The following EXT2 variants were observed in gnomAD, a reference collection of about 807,000 sequenced individuals.
EXT2 encodes the protein exostosin glycosyltransferase 2.
In EXT2, 53 loss-of-function variants were observed where a neutral mutation model predicts 81.6. The observed-to-expected ratio is 0.65, with a 90% CI of 0.52 to 0.82. The LOEUF is 0.82. EXT2 is among the 40% of genes least tolerant of loss of function. The pLI is 0.00. For synonymous variants in EXT2, 320 were observed against 340.0 expected, an observed-to-expected ratio of 0.94 and a Z score of 0.65; for missense variants, 774 against 910.2, an observed-to-expected ratio of 0.85 and a Z score of 1.93.
intron 4 of EXT2, among the ~76,000 whole-genome samples, chr11:44,119,169 T>TATATATATATACAC (rs1192115471): frequency 5.1e-4 from 32 of 63,120 alleles, no homozygotes; most frequent in South Asian, 1.1e-3. Flanking sequence ...TATATATATA[T>TATATATATATACAC]ACACATACAC....
In EXT2 at chr11:44,245,383, T is replaced by G; in HGVS notation, c.*1096T>G. 4.9e-6 allele frequency: 1 copy of G among 205,124 alleles called. No homozygotes were observed. Among genetic ancestry groups the G allele is most frequent in the South Asian group, 1.9e-4 (1 of 5,264 alleles). 12.7% of individuals were successfully genotyped at this position (205,124 alleles called of 1,614,324 possible). Reference sequence around the variant, plus strand: ...CTGCTATACAACTGCTTTGCAACAGTTGCTGGTATATTTAAATCATTAAAT... The same window carrying G: ...CTGCTATACAACTGCTTTGCAACAGGTGCTGGTATATTTAAATCATTAAAT... On this transcript the variant is annotated 3_prime_UTR_variant, in exon 14 of 14. Coordinates refer to ENST00000533608, the MANE Select transcript of EXT2 (RefSeq NM_207122.2).
In EXT2 at chr11:44,242,764, TTG is replaced by T. The variant is rs1263633289; in HGVS notation, c.2019-1381_2019-1380del. On this transcript the variant is annotated intron_variant, in intron 13 of 13. Coordinates refer to ENST00000533608, the MANE Select transcript of EXT2 (RefSeq NM_207122.2). ...CAGTCCCCTTCATTGGACCCTAGAA[TTG>T]TGTTAATAAGTACATTTGTATCATC... Among the ~76,000 whole-genome samples the T allele has an allele frequency of 1.3e-5, 2 of 152,192 alleles. 1 individual carries two copies. Among genetic ancestry groups the T allele is most frequent in the Non-Finnish European group, 2.9e-5 (2 of 68,026 alleles).
chr11:44,129,063 C>T (rs1471725972), intron 6 of EXT2, among the ~76,000 whole-genome samples: 1 of 152,220 alleles, frequency 6.6e-6, no homozygotes, highest in Non-Finnish European at 1.5e-5. Context: ...TCCTCTCTTT[C>T]TCTTACCCAC....
chr11:44,170,863 C>T (rs1955062950), intron 7 of EXT2, among the ~76,000 whole-genome samples: 1 of 151,390 alleles, frequency 6.6e-6, no homozygotes, highest in South Asian at 2.1e-4. Context: ...CACACCAATC[C>T]ACCCACCCAT....
intron 1 of EXT2, among the ~76,000 whole-genome samples, chr11:44,106,552 G>A (rs1954057616): frequency 6.6e-6 from 1 of 152,126 alleles, no homozygotes; most frequent in Non-Finnish European, 1.5e-5. Flanking sequence ...TTAGAGTAGG[G>A]TCTTTGCTTT....
chr11:44,140,751 T>C (rs10769019), intron 7 of EXT2, among the ~76,000 whole-genome samples: 1 of 152,130 alleles, frequency 6.6e-6, no homozygotes. Flanking sequence ...TAACTAAAGC[T>C]TTTAGGAAGA....
chr11:44,138,293 A>G (rs1392462920), intron 7 of EXT2, among the ~76,000 whole-genome samples: 5 of 152,226 alleles, frequency 3.3e-5, no homozygotes, highest in Non-Finnish European at 7.3e-5. Flanking sequence ...GATTTAGGAA[A>G]GAAATCAAAG....
Position 44,215,583 on chromosome 11 carries a change from T to C in EXT2, c.1662+8624T>C, listed in dbSNP as rs576483575. 3.9e-5 allele frequency among the ~76,000 whole-genome samples: 6 copies of C among 152,336 alleles called. No homozygotes were observed. The South Asian group carries it at 1.0e-3, about 26-fold the overall frequency. ...ATATGCACCTGTGGATTTAATGTTC[T>C]TACTAGGCCAGTTAGGTAAGTCTAG... On this transcript the variant is annotated intron_variant, in intron 10 of 13. Coordinates refer to ENST00000533608, the MANE Select transcript of EXT2 (RefSeq NM_207122.2).
chr11:44,237,027 A>G (rs545509558), intron 13 of EXT2, among the ~76,000 whole-genome samples: 5 of 152,336 alleles, frequency 3.3e-5, no homozygotes, highest in East Asian at 3.9e-4. Flanking sequence ...TTGTGCCCCA[A>G]AAGTCCCCAA....
At chr11:44,212,360 T>C (rs903662568) in intron 10 of EXT2, among the ~76,000 whole-genome samples, 2 of 151,168 alleles carry the variant, frequency 1.3e-5, no homozygotes, top group East Asian at 3.9e-4. Context: ...CAGGATGATA[T>C]AGAGGTACAA....
chr11:44,178,020 C>T (rs994448334), intron 8 of EXT2, among the ~76,000 whole-genome samples: 10 of 152,194 alleles, frequency 6.6e-5, no homozygotes, highest in Non-Finnish European at 1.3e-4. Context: ...TTCCTCTAAG[C>T]CTCAGTCTAG....
chr11:44,153,670 A>G (rs976248474), intron 7 of EXT2, among the ~76,000 whole-genome samples: 1 of 152,128 alleles, frequency 6.6e-6, no homozygotes, highest in African/African-American at 2.4e-5. Context: ...TTCTTTATCA[A>G]CTAGAGGAAA....
intron 3 of EXT2, among the ~76,000 whole-genome samples, chr11:44,112,959 A>C (rs1464011044): frequency 6.6e-6 from 1 of 152,156 alleles, no homozygotes; most frequent in Non-Finnish European, 1.5e-5. Context: ...CACATAGGCC[A>C]TGGGGCCCAT....
In EXT2 at chr11:44,181,100, C is replaced by CA. The variant is rs36013510; in HGVS notation, c.1305+9371dup. 4.1e-4 allele frequency among the ~76,000 whole-genome samples: 57 copies of CA among 138,656 alleles called. 3 individuals carry two copies. Among genetic ancestry groups the CA allele is most frequent in the East Asian group, 8.2e-4 (4 of 4,884 alleles). The allele number at this position is 138,656 out of a possible 152,430, so 91.0% of individuals were successfully genotyped here. ...TGGGCAACAGAGTAAGACTCCGTCT[C>CA]AAAAAAAAAAAAAGTTTTTTATTCT... On this transcript the variant is annotated intron_variant, in intron 8 of 13. Coordinates refer to ENST00000533608, the MANE Select transcript of EXT2 (RefSeq NM_207122.2).
chr11:44,199,882 A>G (rs1955502000), intron 9 of EXT2, among the ~76,000 whole-genome samples: 1 of 152,166 alleles, frequency 6.6e-6, no homozygotes, highest in Admixed American at 6.5e-5. Context: ...GTTTATTTTT[A>G]AAAGATTTTG....
At chr11:44,199,552 C>T (rs544885872) in intron 9 of EXT2, among the ~76,000 whole-genome samples, 1 of 152,374 alleles carries the variant, frequency 6.6e-6, no homozygotes, top group South Asian at 2.1e-4. Flanking sequence ...GACTCTCAGC[C>T]TGCTCCTGCA....
In EXT2 at chr11:44,183,959, T is replaced by G. The variant is rs1270129312; in HGVS notation, c.1305+12217T>G. On this transcript the variant is annotated intron_variant, in intron 8 of 13. Coordinates refer to ENST00000533608, the MANE Select transcript of EXT2 (RefSeq NM_207122.2). Reference sequence around the variant, plus strand: ...CTACTGTCCACTGCTCTTGTTGCATTGTTTCCTTAGATGTTTTATAATTTT... The same window carrying G: ...CTACTGTCCACTGCTCTTGTTGCATGGTTTCCTTAGATGTTTTATAATTTT... Among the ~76,000 whole-genome samples, 4 of 152,250 alleles carry G rather than the reference T, an allele frequency of 2.6e-5. No individual in the cohort carries two copies. In the East Asian group the frequency reaches 7.7e-4, roughly 29 times the overall value.
intron 1 of EXT2, among the ~76,000 whole-genome samples, chr11:44,101,177 G>A (rs1356423717): frequency 6.6e-6 from 1 of 152,174 alleles, no homozygotes; most frequent in African/African-American, 2.4e-5. Context: ...TATAAAGCTG[G>A]AGAGGAGAGA....
chr11:44,227,984 G>A lies in EXT2; in HGVS notation c.1663-4369G>A, dbSNP rs1196536679. On this transcript the variant is annotated intron_variant, in intron 10 of 13. Coordinates refer to ENST00000533608, the MANE Select transcript of EXT2 (RefSeq NM_207122.2). ...ACAATCCTTACAACAGCCCTATGAT[G>A]TAAATATAAAAATTAGAATGGAAAG... is the stretch of plus-strand genomic sequence containing the variant. Among the ~76,000 whole-genome samples, 3 of 152,204 alleles carry A rather than the reference G, an allele frequency of 2.0e-5. No individual in the cohort carries two copies. The East Asian group carries it at 5.8e-4, about 29-fold the overall frequency.
Sources: gnomAD v4.1 joint callset for allele counts (sites outside exome capture counted in the v4.1 genomes callset) on GRCh38, gnomAD v4.1.1 for gene constraint, MANE v1.5 for transcripts, NCBI Gene and HGNC (gene_info 2026-07-23, HGNC 2026-07-21) for gene names.